NCAM1: variants seen among roughly 807,000 people sequenced by gnomAD.
NCAM1 encodes antigen recognized by monoclonal antibody 5.1H11.
A neutral mutation model predicts 109.8 loss-of-function variants in NCAM1; 14 were observed. The observed-to-expected ratio is 0.13, with a 90% CI of 0.08 to 0.20. The LOEUF is 0.20. NCAM1 is among the 10% of genes least tolerant of loss of function. The pLI is 1.00. For synonymous variants in NCAM1, 418 were observed against 442.9 expected, an observed-to-expected ratio of 0.94 and a Z score of 0.70; for missense variants, 774 against 1,109.9, an observed-to-expected ratio of 0.70 and a Z score of 4.30.
intron 14 of NCAM1, among the ~76,000 whole-genome samples, chr11:113,244,303 C>G (rs1460070062): frequency 6.6e-6 from 1 of 152,200 alleles, no homozygotes; most frequent in Non-Finnish European, 1.5e-5. Context: ...AGGTGTCTCT[C>G]CCCTGACATG....
intron 10 of NCAM1, 48 bp from the exon 11 acceptor site, chr11:113,232,122 C>T: frequency 6.6e-7 from 1 of 1,506,928 alleles, no homozygotes; most frequent in African/African-American, 1.4e-5. Context: ...GATATGGGGG[C>T]TTCATAATCA....
At chr11:113,080,171 G>A (rs1441766151) in intron 1 of NCAM1, among the ~76,000 whole-genome samples, 1 of 152,088 alleles carries the variant, frequency 6.6e-6, no homozygotes, top group East Asian at 1.9e-4. Context: ...ATATAATAAT[G>A]AAAAGAGAGG....
chr11:113,266,593 TGTTC>T (rs1385019409), intron 17 of NCAM1, among the ~76,000 whole-genome samples: 2 of 152,082 alleles, frequency 1.3e-5, no homozygotes, highest in Non-Finnish European at 2.9e-5. Flanking sequence ...CTGGGCTGCT[TGTTC>T]AACTCCTGTT....
intron 17 of NCAM1, chr11:113,269,767 T>A (rs1181725394): frequency 4.3e-6 from 1 of 232,196 alleles, no homozygotes; most frequent in Non-Finnish European, 8.5e-6. Context: ...CCCCTATCCC[T>A]GAGCACTTGA....
chr11:113,237,594 A>C (rs1317611212), intron 14 of NCAM1, among the ~76,000 whole-genome samples: 1 of 152,214 alleles, frequency 6.6e-6, no homozygotes, highest in Admixed American at 6.5e-5. Context: ...TCTGGGCATG[A>C]GGGAACCTTC....
At chr11:113,065,743 G>T (rs1288858454) in intron 1 of NCAM1, among the ~76,000 whole-genome samples, 8 of 152,138 alleles carry the variant, frequency 5.3e-5, no homozygotes, top group African/African-American at 1.7e-4. Flanking sequence ...TTAAGGAGAT[G>T]TAACAACAAA....
In NCAM1 at chr11:113,231,737, C is replaced by T. The variant is rs781825850; in HGVS notation, c.1182C>T (p.Ile394=). 1.9e-6 allele frequency: 3 copies of T among 1,613,804 alleles called. No homozygotes were observed. In the African/African-American group the frequency reaches 4.0e-5, roughly 22 times the overall value. The change falls in exon 10 of 20, where the codon ATC becomes ATT. Residue 394 remains isoleucine (I), a synonymous_variant. Coordinates refer to ENST00000316851, the MANE Select transcript of NCAM1 (RefSeq NM_181351.5). ...SIQYTDAGEY[I]CTASNTIGQD... The stretch of plus-strand genomic sequence containing the variant: ...AGTACACTGATGCCGGAGAGTACAT[C>T]TGCACCGCCAGCAACACCATCGGCC...
intron 1 of NCAM1, among the ~76,000 whole-genome samples, chr11:113,056,723 A>G (rs1247276259): frequency 2.6e-5 from 4 of 152,174 alleles, no homozygotes; most frequent in South Asian, 2.1e-4. Context: ...AGATGAGACT[A>G]CAGCCCTGGC....
intron 1 of NCAM1, among the ~76,000 whole-genome samples, chr11:113,031,125 A>C (rs935728980): frequency 2.0e-5 from 3 of 152,190 alleles, no homozygotes; most frequent in Non-Finnish European, 2.9e-5. Context: ...ATGGATCAAC[A>C]TGTTAACTTG....
At chr11:113,106,215 A>T (rs1403283399) in intron 1 of NCAM1, among the ~76,000 whole-genome samples, 2 of 152,218 alleles carry the variant, frequency 1.3e-5, no homozygotes, top group Non-Finnish European at 2.9e-5. Flanking sequence ...TGTGATGAGT[A>T]CGTTGTGGTG....
At chr11:113,032,816 G>A (rs988870971) in intron 1 of NCAM1, among the ~76,000 whole-genome samples, 8 of 152,168 alleles carry the variant, frequency 5.3e-5, no homozygotes, top group African/African-American at 1.7e-4. Flanking sequence ...CAGGGGAAAT[G>A]AGCTGATTAT....
At chr11:113,176,621 A>G (rs1299954019) in intron 1 of NCAM1, among the ~76,000 whole-genome samples, 4 of 152,312 alleles carry the variant, frequency 2.6e-5, no homozygotes, top group South Asian at 2.1e-4. Flanking sequence ...AAAACACTCC[A>G]TGGTTTTCAA....
At chr11:113,018,628 C>T (rs1235797472) in intron 1 of NCAM1, among the ~76,000 whole-genome samples, 1 of 152,132 alleles carries the variant, frequency 6.6e-6, no homozygotes, top group Non-Finnish European at 1.5e-5. Flanking sequence ...AAGTCAGCCA[C>T]TGCATAATAA....
In NCAM1 at chr11:113,244,093, A is replaced by G. The variant is rs74798457; in HGVS notation, c.1826-2275A>G. Among the ~76,000 whole-genome samples the G allele has an allele frequency of 2.7e-3, 416 of 152,250 alleles. 2 individuals are homozygous for G. Among genetic ancestry groups the G allele is most frequent in the Non-Finnish European group, 4.6e-3 (314 of 68,022 alleles). ...TTTTTTACATTTGGAAAAGGAATGC[A>G]GCTGACAGCCCCTTTTCTTATTCTA... On this transcript the variant is annotated intron_variant, in intron 14 of 19. Transcript: ENST00000316851.
At chr11:113,170,166 T>C (rs782316996) in intron 1 of NCAM1, among the ~76,000 whole-genome samples, 2 of 152,186 alleles carry the variant, frequency 1.3e-5, no homozygotes, top group Non-Finnish European at 2.9e-5. Context: ...GCTAGGATTG[T>C]CCTTTCATGG....
At chr11:113,051,599 A>G (rs1953494025) in intron 1 of NCAM1, among the ~76,000 whole-genome samples, 1 of 152,180 alleles carries the variant, frequency 6.6e-6, no homozygotes, top group African/African-American at 2.4e-5. Flanking sequence ...AAACATATAT[A>G]CTTTATAAAC....
intron 16 of NCAM1, among the ~76,000 whole-genome samples, chr11:113,259,176 C>T (rs895059491): frequency 1.3e-5 from 2 of 150,648 alleles, no homozygotes; most frequent in African/African-American, 4.9e-5. Flanking sequence ...CTCAGCCTCC[C>T]AAGTAGCTGG....
At chr11:113,242,199 G>A (rs1428166267) in intron 14 of NCAM1, among the ~76,000 whole-genome samples, 1 of 152,232 alleles carries the variant, frequency 6.6e-6, no homozygotes, top group Non-Finnish European at 1.5e-5. Flanking sequence ...ATACTGCTCA[G>A]CATTTAGCAG....
chr11:113,277,076 CAAAG>C lies in NCAM1; in HGVS notation c.*1693_*1696del, dbSNP rs1214798508. Reference sequence around the variant, plus strand: ...CTCAAACGGAATCGAAGCCTTTTAACAAAGAAAATGAAATACAGATGATGATGAT... The same window carrying C: ...CTCAAACGGAATCGAAGCCTTTTAACAAAATGAAATACAGATGATGATGAT... On this transcript the variant is annotated 3_prime_UTR_variant, in exon 20 of 20. Coordinates refer to ENST00000316851, the MANE Select transcript of NCAM1 (RefSeq NM_181351.5). The C allele has an allele frequency of 8.4e-6, 3 of 356,000 alleles. No individual in the cohort carries two copies. The highest frequency in any genetic ancestry group is 4.1e-5 in the East Asian group (1 of 24,484). The allele number at this position is 356,000 out of a possible 1,614,324, so 22.1% of individuals were successfully genotyped here. A position where few individuals can be genotyped will look rare whatever the true frequency, so the allele number is the denominator to read the frequency against.
Sources: allele counts gnomAD v4.1 joint callset (sites outside exome capture counted in the v4.1 genomes callset), GRCh38; gene constraint gnomAD v4.1.1; transcripts MANE v1.5; gene names NCBI Gene and HGNC (gene_info 2026-07-23, HGNC 2026-07-21).